ACTN4: variants seen among roughly 807,000 people sequenced by gnomAD.
ACTN4 encodes the protein actinin alpha 4, also known as alpha-actinin-4.
In ACTN4, 18 loss-of-function variants were observed where a neutral mutation model predicts 114.2. The ratio of observed to expected loss-of-function variants is 0.16; its 90% CI spans 0.11 to 0.23. The LOEUF is 0.23. ACTN4 is among the 10% of genes least tolerant of loss of function. The pLI, the probability that ACTN4 is intolerant of heterozygous loss-of-function variation, is 1.00. For missense variants in ACTN4, 722 were observed against 1,262.9 expected (o/e 0.57, Z 6.49); for synonymous variants, 515 against 506.3 (o/e 1.02, Z -0.23).
Position 38,659,065 on chromosome 19 carries a change from C to CTTTTTTTTTTTTTTTTTT in ACTN4, c.162+11171_162+11172insTTTTTTTTTTTTTTTTTT, listed in dbSNP as rs577141157. On this transcript the variant is annotated intron_variant, in intron 1 of 20. Transcript: ENST00000252699. ...TAACTTTTTTTTCTTCTTTTCTTTT[C>CTTTTTTTTTTTTTTTTTT]TTTTTTTTTTTTTGAGACGGAGTCT... is the stretch of plus-strand genomic sequence containing the variant. Among the ~76,000 whole-genome samples, 38 of 111,688 alleles carry CTTTTTTTTTTTTTTTTTT rather than the reference C, an allele frequency of 3.4e-4. 4 individuals are homozygous for CTTTTTTTTTTTTTTTTTT. The highest frequency in any genetic ancestry group is 7.2e-4 in the African/African-American group (22 of 30,748). 73.3% of individuals were successfully genotyped at this position (111,688 alleles called of 152,430 possible).
chr19:38,694,979 G>C (rs1486037783), intron 1 of ACTN4, among the ~76,000 whole-genome samples: 1 of 152,118 alleles, frequency 6.6e-6, no homozygotes, highest in East Asian at 1.9e-4. Flanking sequence ...GGCACAAGCT[G>C]TCTTCCCACC....
intron 6 of ACTN4, 95 bp downstream of exon 6, chr19:38,708,290 C>T: frequency 7.2e-7 from 1 of 1,396,462 alleles, no homozygotes; most frequent in East Asian, 2.3e-5. Context: ...CATCGCCAGC[C>T]TCCAGATCTG....
At chr19:38,674,091 A>G (rs1386253160) in intron 1 of ACTN4, among the ~76,000 whole-genome samples, 1 of 151,932 alleles carries the variant, frequency 6.6e-6, no homozygotes, top group East Asian at 1.9e-4. Context: ...GATTATTTTT[A>G]TGAAGGAAAA....
intron 1 of ACTN4, among the ~76,000 whole-genome samples, chr19:38,670,923 A>C (rs1389487610): frequency 7.1e-6 from 1 of 141,792 alleles, no homozygotes; most frequent in Non-Finnish European, 1.5e-5. Flanking sequence ...CTCCAACTTA[A>C]AAAAAAAAAA....
At chr19:38,723,197 T>G (rs1319014550) in intron 12 of ACTN4, among the ~76,000 whole-genome samples, 2 of 152,164 alleles carry the variant, frequency 1.3e-5, no homozygotes, top group Non-Finnish European at 2.9e-5. Flanking sequence ...GAGCACAGCC[T>G]CAGCCCCTGT....
At chr19:38,685,508 G>A (rs1297850516) in intron 1 of ACTN4, among the ~76,000 whole-genome samples, 1 of 152,204 alleles carries the variant, frequency 6.6e-6, no homozygotes, top group East Asian at 1.9e-4. Context: ...CAAAGGGCAG[G>A]CAGGCTGGTG....
At chr19:38,681,357 G>T (rs1967569649) in intron 1 of ACTN4, among the ~76,000 whole-genome samples, 1 of 151,884 alleles carries the variant, frequency 6.6e-6, no homozygotes, top group Admixed American at 6.6e-5. Flanking sequence ...AGGCTCCCTA[G>T]ACCCTACCTT....
intron 1 of ACTN4, among the ~76,000 whole-genome samples, chr19:38,693,202 T>C (rs1265517817): frequency 6.6e-6 from 1 of 152,038 alleles, no homozygotes; most frequent in Admixed American, 6.6e-5. Flanking sequence ...ATCAGCCTGG[T>C]GGGTGGGGAG....
chr19:38,684,415 C>G (rs1231624478), intron 1 of ACTN4, among the ~76,000 whole-genome samples: 1 of 152,148 alleles, frequency 6.6e-6, no homozygotes, highest in Admixed American at 6.5e-5. Flanking sequence ...CCACACCTTC[C>G]CAGTGCTGCC....
chr19:38,684,657 T>C (rs1417948303), intron 1 of ACTN4, among the ~76,000 whole-genome samples: 1 of 152,214 alleles, frequency 6.6e-6, no homozygotes, highest in Non-Finnish European at 1.5e-5. Flanking sequence ...TTTCACCATT[T>C]TTAATGGAGC....
chr19:38,709,401 C>T lies in ACTN4; in HGVS notation c.658C>T (p.Pro220Ser). ...IEYDKLRKDD[P>S]VTNLNNAFEV... ...CCCACTTGCCTCCTTCTAGGACGACCCTGTCACCAACCTGAACAATGCCTT... is the reference window on the plus strand; with the variant it reads ...CCCACTTGCCTCCTTCTAGGACGACTCTGTCACCAACCTGAACAATGCCTT... The change falls in exon 7 of 21, where the codon CCT becomes TCT. Residue 220 changes from proline (P) to serine (S), a missense_variant. Physicochemically the swap from Pro to Ser is moderately conservative, Grantham distance 74. This residue lies in a region of ACTN4 where 127 missense variants were observed against 311.3 expected (regional missense o/e 0.41). Transcript: ENST00000252699. The T allele has an allele frequency of 1.1e-5, 18 of 1,614,060 alleles. No homozygotes were observed. The highest frequency in any genetic ancestry group is 1.5e-5 in the Non-Finnish European group (18 of 1,179,902).
intron 9 of ACTN4, among the ~76,000 whole-genome samples, chr19:38,714,885 C>T (rs769116876): frequency 2.6e-5 from 4 of 152,244 alleles, no homozygotes; most frequent in Non-Finnish European, 5.9e-5. Context: ...GCCCCTCTTC[C>T]CGTGCCCTGG....
chr19:38,708,809 A>G (rs147760682), intron 6 of ACTN4, among the ~76,000 whole-genome samples: 8 of 152,350 alleles, frequency 5.3e-5, no homozygotes, highest in African/African-American at 1.7e-4. Flanking sequence ...GTCCCGGAAG[A>G]AGAGGCAGCT....
At chr19:38,658,104 G>A (rs1976765312) in intron 1 of ACTN4, among the ~76,000 whole-genome samples, 1 of 152,288 alleles carries the variant, frequency 6.6e-6, no homozygotes, top group Non-Finnish European at 1.5e-5. Context: ...ATACCTACAG[G>A]CACAGCAGCC....
chr19:38,715,451 T>C (rs1360429295), intron 9 of ACTN4, among the ~76,000 whole-genome samples: 2 of 152,120 alleles, frequency 1.3e-5, no homozygotes, highest in African/African-American at 4.8e-5. Context: ...GAGCCAAGAT[T>C]GCGCCACTGT....
At position 38,724,347 on chromosome 19, in the gene ACTN4, G is replaced by A. The variant is rs753583132; in HGVS notation, c.1875+8G>A. ...AACTCCAAGTGGGAGAAGGTGGGCCGGGGCCATCCGTAGGGGCTGGGGCAG... is the reference window on the plus strand; with the variant it reads ...AACTCCAAGTGGGAGAAGGTGGGCCAGGGCCATCCGTAGGGGCTGGGGCAG... On this transcript the variant is annotated splice_region_variant and intron_variant, in intron 15 of 20. Transcript: ENST00000252699. The surrounding 1 kb of genome is among the most constrained non-coding windows in gnomAD (Gnocchi z 7.0). 7.1e-5 allele frequency: 114 copies of A among 1,613,032 alleles called. No individual in the cohort carries two copies. The highest frequency in any genetic ancestry group is 9.1e-5 in the Non-Finnish European group (107 of 1,179,880).
chr19:38,715,751 C>T (rs1968817787), intron 9 of ACTN4, among the ~76,000 whole-genome samples: 1 of 152,150 alleles, frequency 6.6e-6, no homozygotes, highest in Non-Finnish European at 1.5e-5. Flanking sequence ...CAGCCATTGC[C>T]AAGAAAGGGC....
Position 38,647,914 on chromosome 19 carries a change from G to A in ACTN4, c.162+7G>A. On this transcript the variant is annotated splice_region_variant and intron_variant, in intron 1 of 20. Transcript: ENST00000252699. ...GGAGAAGCAGCAGCGCAAGGTGCGCGGCCCGCGGGCCGGACGGGCTGGAGG... is the reference window on the plus strand; with the variant it reads ...GGAGAAGCAGCAGCGCAAGGTGCGCAGCCCGCGGGCCGGACGGGCTGGAGG... The A allele has an allele frequency of 6.7e-7, 1 of 1,489,120 alleles. No homozygotes were observed. Among genetic ancestry groups the A allele is most frequent in the Non-Finnish European group, 8.9e-7 (1 of 1,118,782 alleles). 92.2% of individuals were successfully genotyped at this position (1,489,120 alleles called of 1,614,324 possible).
In ACTN4 at chr19:38,705,078, A is replaced by G; in HGVS notation, c.484+58A>G. The G allele has an allele frequency of 2.7e-6, 4 of 1,468,906 alleles. No individual in the cohort carries two copies. The South Asian group carries it at 3.4e-5, about 13-fold the overall frequency. The allele number at this position is 1,468,906 out of a possible 1,614,324, so 91.0% of individuals were successfully genotyped here. On this transcript the variant is annotated intron_variant, in intron 4 of 20. Transcript: ENST00000252699. ...CCTGAGTCAGGGCGGGTTAGAGGAGAGCTGAAGTGTGATCTTCATGCTTCA... is the reference window on the plus strand; with the variant it reads ...CCTGAGTCAGGGCGGGTTAGAGGAGGGCTGAAGTGTGATCTTCATGCTTCA...
Sources: allele counts gnomAD v4.1 joint callset (sites outside exome capture counted in the v4.1 genomes callset), GRCh38; gene constraint gnomAD v4.1.1; regional missense constraint gnomAD v4.1.1; non-coding constraint Gnocchi (gnomAD v3.1); transcripts MANE v1.5; gene names NCBI Gene and HGNC (gene_info 2026-07-23, HGNC 2026-07-21).